Variants in CNIH3 observed in about 807,000 individuals in gnomAD.
CNIH3 encodes cornichon family AMPA receptor auxiliary protein 3.
A neutral mutation model predicts 24.1 loss-of-function variants in CNIH3; 14 were observed. The ratio of observed to expected loss-of-function variants is 0.58; its 90% CI spans 0.38 to 0.91. CNIH3 has a LOEUF of 0.91. CNIH3 is among the 40% of genes least tolerant of loss of function. The pLI is 0.00. For missense variants in CNIH3, 178 were observed against 196.8 expected, an observed-to-expected ratio of 0.90 and a Z score of 0.57; for synonymous variants, 68 against 73.8, an observed-to-expected ratio of 0.92 and a Z score of 0.40.
intron 1 of CNIH3, among the ~76,000 whole-genome samples, chr1:224,648,981 C>T (rs905814466): frequency 6.6e-6 from 1 of 152,152 alleles, no homozygotes; most frequent in Non-Finnish European, 1.5e-5. Context: ...GAATTTCTTC[C>T]TTTCTGAATC....
chr1:224,469,548 C>G (rs1393723262), intron 1 of CNIH3, among the ~76,000 whole-genome samples: 1 of 152,114 alleles, frequency 6.6e-6, no homozygotes, highest in African/African-American at 2.4e-5. Context: ...TGCTCTGTCA[C>G]CCAGACTGGA....
chr1:224,434,881 GC>G (rs1257232597), intron 1 of CNIH3: 2 of 985,330 alleles, frequency 2.0e-6, no homozygotes, highest in Non-Finnish European at 2.4e-6. Flanking sequence ...CCTATAGGGG[GC>G]CTGTCACCCA....
intron 3 of CNIH3, among the ~76,000 whole-genome samples, chr1:224,716,189 A>G (rs1688420367): frequency 3.3e-5 from 5 of 152,304 alleles, no homozygotes; most frequent in Non-Finnish European, 7.4e-5. Flanking sequence ...CTGGAACACT[A>G]CAAAGAAAGG....
chr1:224,641,713 G>T (rs1279303247), intron 1 of CNIH3, among the ~76,000 whole-genome samples: 1 of 152,162 alleles, frequency 6.6e-6, no homozygotes, highest in African/African-American at 2.4e-5. Context: ...AGGAAGATCG[G>T]CCAACTCTCA....
chr1:224,533,761 G>A (rs941077861), intron 2 of CNIH3, among the ~76,000 whole-genome samples: 1 of 152,110 alleles, frequency 6.6e-6, no homozygotes, highest in Non-Finnish European at 1.5e-5. Context: ...CTGCATCAAG[G>A]CTTGCCCCAA....
chr1:224,647,688 G>A (rs1229746905), intron 1 of CNIH3, among the ~76,000 whole-genome samples: 1 of 152,250 alleles, frequency 6.6e-6, no homozygotes, highest in Non-Finnish European at 1.5e-5. Context: ...ACAGAGGCTG[G>A]GACAGAGCCA....
intron 1 of CNIH3, among the ~76,000 whole-genome samples, chr1:224,645,642 C>G (rs1054249645): frequency 6.6e-6 from 1 of 152,214 alleles, no homozygotes; most frequent in Admixed American, 6.5e-5. Flanking sequence ...AGGCTCAGCC[C>G]GGAAGGCTGT....
At chr1:224,496,474 A>G (rs560131937) in intron 1 of CNIH3, among the ~76,000 whole-genome samples, 5 of 55,088 alleles carry the variant, frequency 9.1e-5, no homozygotes, top group African/African-American at 2.5e-4. Context: ...AAGAAACTGA[A>G]GCCTCCTGAT....
intron 1 of CNIH3, among the ~76,000 whole-genome samples, chr1:224,635,899 T>TG (rs903041354): frequency 2.8e-4 from 43 of 151,920 alleles, no homozygotes; most frequent in African/African-American, 7.0e-4. Context: ...TTTCTAGAAA[T>TG]GGGGGGGTCT....
At chr1:224,717,789 C>G (rs560397410) in intron 3 of CNIH3, 1 of 152,206 alleles carries the variant, frequency 6.6e-6, no homozygotes, top group Non-Finnish European at 1.5e-5. Flanking sequence ...TGTAAGGGAC[C>G]AGCCAGCGCT....
intron 4 of CNIH3, among the ~76,000 whole-genome samples, chr1:224,567,514 T>C (rs1680628898): frequency 6.6e-6 from 1 of 152,250 alleles, no homozygotes; most frequent in African/African-American, 2.4e-5. Flanking sequence ...AGCAGATCAC[T>C]ATCTTTACTC....
intron 1 of CNIH3, among the ~76,000 whole-genome samples, chr1:224,629,056 G>A: frequency 6.6e-6 from 1 of 151,186 alleles, no homozygotes; most frequent in East Asian, 2.0e-4. Flanking sequence ...ACCCAGGCTG[G>A]AGTGCAGTGG....
intron 1 of CNIH3, among the ~76,000 whole-genome samples, chr1:224,640,133 T>C (rs1196782040): frequency 6.6e-6 from 1 of 152,126 alleles, no homozygotes; most frequent in Non-Finnish European, 1.5e-5. Context: ...GGATGTGAGG[T>C]TTTACTGTGC....
chr1:224,461,090 C>A (rs1387667401), intron 1 of CNIH3, among the ~76,000 whole-genome samples: 2 of 151,818 alleles, frequency 1.3e-5, no homozygotes, highest in African/African-American at 4.8e-5. Context: ...GCAACCTCCA[C>A]CTCCTGGGTT....
At chr1:224,443,614 A>G (rs1436921573) in intron 1 of CNIH3, among the ~76,000 whole-genome samples, 1 of 152,118 alleles carries the variant, frequency 6.6e-6, no homozygotes, top group Non-Finnish European at 1.5e-5. Context: ...TTACCTTGGC[A>G]TACACCCCAA....
chr1:224,655,773 A>C (rs1486993538), intron 1 of CNIH3, among the ~76,000 whole-genome samples: 3 of 152,220 alleles, frequency 2.0e-5, no homozygotes, highest in Non-Finnish European at 4.4e-5. Flanking sequence ...GAAAGATGAG[A>C]GATCAGTCCC....
intron 1 of CNIH3, among the ~76,000 whole-genome samples, chr1:224,652,006 A>G (rs1684881833): frequency 6.6e-6 from 1 of 152,108 alleles, no homozygotes; most frequent in Non-Finnish European, 1.5e-5. Flanking sequence ...TCAATCCATT[A>G]GGTGTAAAAT....
chr1:224,651,922 C>T (rs1206047072), intron 1 of CNIH3, among the ~76,000 whole-genome samples: 2 of 152,136 alleles, frequency 1.3e-5, no homozygotes, highest in Admixed American at 6.5e-5. Flanking sequence ...TTTATCAGTT[C>T]ACATTTTCAC....
intron 1 of CNIH3, among the ~76,000 whole-genome samples, chr1:224,503,594 C>T (rs1677774583): frequency 6.6e-6 from 1 of 152,194 alleles, no homozygotes. Flanking sequence ...CTGCTCAGGC[C>T]TGCACAGGGG....
Sources: gnomAD v4.1 joint callset for allele counts (sites outside exome capture counted in the v4.1 genomes callset) on GRCh38, gnomAD v4.1.1 for gene constraint, MANE v1.5 for transcripts, NCBI Gene and HGNC (gene_info 2026-07-23, HGNC 2026-07-21) for gene names.